The following GRM7 variants were observed in gnomAD, a reference collection of about 807,000 sequenced individuals.
The protein encoded by GRM7 is metabotropic glutamate receptor 7.
In GRM7, 35 loss-of-function variants were observed where a neutral mutation model predicts 84.5. The ratio of observed to expected loss-of-function variants is 0.41; its 90% CI spans 0.32 to 0.55. The LOEUF is 0.55. GRM7 is among the 20% of genes least tolerant of loss of function. The pLI is 0.19. For missense variants in GRM7, 1,003 were observed against 1,194.6 expected, an observed-to-expected ratio of 0.84 and a Z score of 2.36; for synonymous variants, 487 against 455.1, an observed-to-expected ratio of 1.07 and a Z score of -0.89.
At chr3:7,357,006 CATATA>C (rs1319737632) in intron 4 of GRM7, among the ~76,000 whole-genome samples, 17 of 146,930 alleles carry the variant, frequency 1.2e-4, no homozygotes, top group Non-Finnish European at 2.1e-4. Context: ...TTTTATATAT[CATATA>C]ATATATATTT....
At chr3:7,383,815 C>G (rs964624904) in intron 4 of GRM7, among the ~76,000 whole-genome samples, 3 of 152,136 alleles carry the variant, frequency 2.0e-5, no homozygotes, top group African/African-American at 7.2e-5. Flanking sequence ...TGAAATCTAT[C>G]TAAAGTTATT....
intron 1 of GRM7, among the ~76,000 whole-genome samples, chr3:6,955,456 G>C (rs1402786666): frequency 6.6e-6 from 1 of 151,902 alleles, no homozygotes; most frequent in Non-Finnish European, 1.5e-5. Flanking sequence ...AGAATCTCTT[G>C]AACCTGGAAG....
chr3:7,714,043 A>G (rs1342919966), intron 9 of GRM7, among the ~76,000 whole-genome samples: 2 of 151,984 alleles, frequency 1.3e-5, no homozygotes, highest in East Asian at 1.9e-4. Context: ...CTAAGCATGC[A>G]TTTCTGTTTT....
chr3:7,242,412 G>T (rs934878220), intron 2 of GRM7, among the ~76,000 whole-genome samples: 1 of 152,184 alleles, frequency 6.6e-6, no homozygotes, highest in Non-Finnish European at 1.5e-5. Context: ...TAGAGGTTGT[G>T]TAAGATCTCT....
At chr3:7,255,268 A>G (rs1369695925) in intron 2 of GRM7, among the ~76,000 whole-genome samples, 1 of 152,226 alleles carries the variant, frequency 6.6e-6, no homozygotes, top group Non-Finnish European at 1.5e-5. Context: ...TAAATAGTGT[A>G]CATGTTGTGC....
At chr3:7,388,225 T>C (rs1018975466) in intron 4 of GRM7, among the ~76,000 whole-genome samples, 2 of 152,186 alleles carry the variant, frequency 1.3e-5, no homozygotes, top group Admixed American at 6.5e-5. Context: ...TAGAATCATA[T>C]CATCAGTGAA....
At chr3:7,179,561 A>C (rs918309712) in intron 2 of GRM7, among the ~76,000 whole-genome samples, 1 of 152,246 alleles carries the variant, frequency 6.6e-6, no homozygotes, top group Non-Finnish European at 1.5e-5. Context: ...TGCGTACCTT[A>C]AAAAAGGTGG....
At chr3:6,942,664 A>C (rs950880693) in intron 1 of GRM7, among the ~76,000 whole-genome samples, 1 of 152,152 alleles carries the variant, frequency 6.6e-6, no homozygotes, top group African/African-American at 2.4e-5. Flanking sequence ...CAGTTAATTT[A>C]GCTATTAAAA....
intron 1 of GRM7, among the ~76,000 whole-genome samples, chr3:6,889,196 C>T (rs953996551): frequency 7.2e-5 from 11 of 152,106 alleles, no homozygotes; most frequent in Non-Finnish European, 1.3e-4. Flanking sequence ...ATTTGACTTC[C>T]TCTTTTCCTA....
intron 9 of GRM7, among the ~76,000 whole-genome samples, chr3:7,727,168 A>G (rs1377690152): frequency 6.6e-6 from 1 of 152,216 alleles, no homozygotes; most frequent in Non-Finnish European, 1.5e-5. Context: ...AATCATCATT[A>G]TCACCTTTGA....
At chr3:7,700,680 G>A (rs1427174823) in intron 9 of GRM7, among the ~76,000 whole-genome samples, 1 of 152,092 alleles carries the variant, frequency 6.6e-6, no homozygotes, top group Non-Finnish European at 1.5e-5. Flanking sequence ...GCCATTGTAT[G>A]GGGATAACAG....
At chr3:7,612,119 A>G (rs1575554539) in intron 8 of GRM7, among the ~76,000 whole-genome samples, 1 of 152,120 alleles carries the variant, frequency 6.6e-6, no homozygotes, top group South Asian at 2.1e-4. Context: ...CATGGTATTA[A>G]TAATATAGCA....
intron 1 of GRM7, among the ~76,000 whole-genome samples, chr3:6,944,921 C>T (rs1479281926): frequency 6.6e-6 from 1 of 152,064 alleles, no homozygotes; most frequent in Non-Finnish European, 1.5e-5. Flanking sequence ...AATTTCATGG[C>T]ACAAAGTGTT....
chr3:7,110,737 G>T (rs1486707239), intron 1 of GRM7, among the ~76,000 whole-genome samples: 6 of 152,046 alleles, frequency 3.9e-5, no homozygotes, highest in African/African-American at 1.4e-4. Context: ...TAGGTTGAAA[G>T]GCTCATGGAT....
intron 1 of GRM7, among the ~76,000 whole-genome samples, chr3:7,092,309 A>G (rs1698694114): frequency 6.6e-6 from 1 of 152,146 alleles, no homozygotes; most frequent in African/African-American, 2.4e-5. Context: ...TCCTTATTTG[A>G]TCATAAATCT....
intron 4 of GRM7, among the ~76,000 whole-genome samples, chr3:7,320,720 G>GTGTGCA (rs1700747432): frequency 6.6e-6 from 1 of 150,832 alleles, no homozygotes. Flanking sequence ...GTGTGTGTGT[G>GTGTGCA]CAACTTCTTT....
intron 7 of GRM7, among the ~76,000 whole-genome samples, chr3:7,519,375 T>A (rs1163899512): frequency 6.7e-5 from 10 of 148,534 alleles, no homozygotes; most frequent in Non-Finnish European, 9.0e-5. Flanking sequence ...AAAAAAAAAA[T>A]GCCAAACATA....
intron 1 of GRM7, among the ~76,000 whole-genome samples, chr3:7,143,428 T>C (rs1023909868): frequency 6.6e-6 from 1 of 152,176 alleles, no homozygotes; most frequent in African/African-American, 2.4e-5. Flanking sequence ...TCTTGCATCA[T>C]TATATTCATA....
At chr3:7,520,013 A>T (rs1700536343) in intron 7 of GRM7, 2 of 152,194 alleles carry the variant, frequency 1.3e-5, no homozygotes, top group Admixed American at 1.3e-4. Flanking sequence ...CAGGGCACAC[A>T]TCCTAAGAAT....
Sources: allele counts gnomAD v4.1 joint callset (sites outside exome capture counted in the v4.1 genomes callset), GRCh38; gene constraint gnomAD v4.1.1; transcripts MANE v1.5; gene names NCBI Gene and HGNC (gene_info 2026-07-23, HGNC 2026-07-21).